HELZ2: variants seen among roughly 807,000 people sequenced by gnomAD.
HELZ2 encodes helicase with zinc finger 2.
In HELZ2, 143 loss-of-function variants were observed where a neutral mutation model predicts 208.8. The observed-to-expected ratio is 0.68, with a 90% CI of 0.60 to 0.79. HELZ2 has a LOEUF of 0.79. Among genes scored for constraint, HELZ2 ranks in the 30% least tolerant of loss-of-function variants. The probability of loss-of-function intolerance (pLI) is 0.00; values close to 1 mark genes in which losing one functional copy is unlikely to be tolerated. For synonymous variants in HELZ2, 1,705 were observed against 1,693.7 expected (o/e 1.01, Z -0.16); for missense variants, 3,690 against 3,794.5 (o/e 0.97, Z 0.72).
Position 63,560,854 on chromosome 20 carries a change from G to A in HELZ2, c.7222C>T (p.Arg2408Trp), listed in dbSNP as rs747775785. ...TCGTGGTACCGCTCGAACAGAGACC[G>A]GTCCAGACCCAGGTTTTGCAGCCGC... is the stretch of plus-strand genomic sequence containing the variant. Residue 2408 changes from arginine (R) to tryptophan (W), a missense_variant, in exon 15 of 19, where the codon CGG becomes TGG. Around this residue, in one of 3 missense-constraint regions of HELZ2, gnomAD observed 2,564 missense variants for 2,580.5 expected, o/e 0.99. Coordinates refer to ENST00000467148, the Ensembl canonical transcript of HELZ2. The A allele has an allele frequency of 3.2e-5, 52 of 1,613,148 alleles. No homozygotes were observed. The highest frequency in any genetic ancestry group is 3.1e-5 in the Non-Finnish European group (36 of 1,179,984).
exon 8 of HELZ2, chr20:63,562,639 C>T (rs1469064807): frequency 1.9e-6 from 3 of 1,593,920 alleles, no homozygotes; most frequent in Non-Finnish European, 2.6e-6. Flanking sequence ...GTCTGGGAGC[C>T]TCCTGCCGGT....
intron 17 of HELZ2, 36 bp from the exon 19 acceptor site, chr20:63,560,131 G>GGCCCCCCCA: frequency 6.5e-7 from 1 of 1,531,052 alleles, no homozygotes; most frequent in Non-Finnish European, 8.8e-7. Flanking sequence ...CTGCCGCTGC[G>GGCCCCCCCA]CCCACCCTCC....
At position 63,562,058 on chromosome 20, in the gene HELZ2, G is replaced by T; in HGVS notation, c.6529+14C>A. 2 of 1,587,294 alleles carry T rather than the reference G, an allele frequency of 1.3e-6. No individual in the cohort carries two copies. Among genetic ancestry groups the T allele is most frequent in the Non-Finnish European group, 1.7e-6 (2 of 1,167,636 alleles). On this transcript the variant is annotated intron_variant, in intron 10 of 18. Coordinates refer to ENST00000467148, the Ensembl canonical transcript of HELZ2. ...GCCCAAGGCAGCCTGCGGCTCCCCC[G>T]GCATGGGCCCTACCTGGTGGGCCCT... is the stretch of plus-strand genomic sequence containing the variant.
chr20:63,565,279 C>T, exon 8 of HELZ2: 1 of 1,605,744 alleles, frequency 6.2e-7, no homozygotes, highest in Non-Finnish European at 8.5e-7. Flanking sequence ...CCTCGGGCGC[C>T]TTGTCTCCCG....
exon 8 of HELZ2, chr20:63,565,308 C>A (rs182835948): frequency 6.2e-7 from 1 of 1,606,334 alleles, no homozygotes; most frequent in East Asian, 2.2e-5. Context: ...TGCACCAGCA[C>A]CTCATCCCCG....
Position 63,561,106 on chromosome 20 carries a change from CA to C in HELZ2, c.7121del (p.Leu2374ArgfsTer71), listed in dbSNP as rs1569028336. 16 of 1,612,548 alleles carry C rather than the reference CA, an allele frequency of 9.9e-6. No individual in the cohort carries two copies. The highest frequency in any genetic ancestry group is 1.4e-5 in the Non-Finnish European group (16 of 1,179,750). On this transcript the variant is annotated frameshift_variant, in exon 14 of 19. Coordinates refer to ENST00000467148, the Ensembl canonical transcript of HELZ2. LOFTEE classifies it high-confidence loss of function. ...CCTTCTCGGCCTGTGGGAACTGCAC[CA>C]GGGGGATGAGGGTTTCAGGTTCCGT...
At chr20:63,565,848 C>T in exon 8 of HELZ2, 1 of 1,598,526 alleles carries the variant, frequency 6.3e-7, no homozygotes, top group Non-Finnish European at 8.5e-7. Flanking sequence ...ATGGCCGTCA[C>T]CACAGCCGCC....
At position 63,563,568 on chromosome 20, in the gene HELZ2, G is replaced by A. The variant is rs771615958; in HGVS notation, c.5254C>T (p.Arg1752Cys). 46 of 1,524,486 alleles carry A rather than the reference G, an allele frequency of 3.0e-5. 1 individual carries two copies. The Middle Eastern group carries it at 2.9e-3, about 95-fold the overall frequency. The allele number at this position is 1,524,486 out of a possible 1,614,324, so 94.4% of individuals were successfully genotyped here. A position where few individuals can be genotyped will look rare whatever the true frequency, so the allele number is the denominator to read the frequency against. Reference sequence around the variant, plus strand: ...CTGGGGAAGAGCAGCCGGAAGCAGCGGGAGCCCGCCTCCACGTCCACCACG... The same window carrying A: ...CTGGGGAAGAGCAGCCGGAAGCAGCAGGAGCCCGCCTCCACGTCCACCACG... Residue 1752 changes from arginine (R) to cysteine (C), a missense_variant, in exon 8 of 19, where the codon CGC becomes TGC. Transcript: ENST00000467148.
rs1269409598 is a variant in HELZ2, at chr20:63,559,923, C to T, written c.7825+5G>A. On this transcript the variant is annotated splice_donor_5th_base_variant and intron_variant, in intron 18 of 18. Coordinates refer to ENST00000467148, the Ensembl canonical transcript of HELZ2. ...CACCCTGGAAGAGCCCAGCCCCGCCCTCACCGATCAGGCAGAGCCCCTCCT... is the reference window on the plus strand; with the variant it reads ...CACCCTGGAAGAGCCCAGCCCCGCCTTCACCGATCAGGCAGAGCCCCTCCT... The T allele has an allele frequency of 1.9e-6, 3 of 1,608,788 alleles. No homozygotes were observed. The highest frequency in any genetic ancestry group is 2.5e-6 in the Non-Finnish European group (3 of 1,179,908).
intron 5 of HELZ2, 164 bp downstream of exon 6, chr20:63,568,194 C>G: frequency 1.6e-6 from 1 of 635,876 alleles, no homozygotes. Context: ...CCCGGCCACC[C>G]TCGGTGCCCT....
rs139845169 is a variant in HELZ2, at chr20:63,570,756, G to A, written c.391C>T (p.Gln131Ter). The change falls in exon 2 of 19, where the codon CAG (glutamine) becomes TAG (stop). Residue 131 changes from glutamine (Q) to a stop codon, truncating the protein, a stop_gained. Transcript: ENST00000467148. LOFTEE classifies it high-confidence loss of function. Reference sequence around the variant, plus strand: ...TCCTGGTAGGGCACCAGCCCGTCCTGCCAGGCCGCCTGCCCCCGCAGCTCC... The same window carrying A: ...TCCTGGTAGGGCACCAGCCCGTCCTACCAGGCCGCCTGCCCCCGCAGCTCC... The A allele has an allele frequency of 6.8e-6, 11 of 1,608,622 alleles. No homozygotes were observed. The Admixed American group carries it at 1.2e-4, about 17-fold the overall frequency.
At chr20:63,566,916 G>A in exon 6 of HELZ2, 1 of 1,609,788 alleles carries the variant, frequency 6.2e-7, no homozygotes. Context: ...AGGTGTTGTA[G>A]GCCTCCTGCA....
chr20:63,569,052 C>A (rs778900250), intron 4 of HELZ2, 53 bp from the exon 6 acceptor site: 1 of 1,595,968 alleles, frequency 6.3e-7, no homozygotes, highest in South Asian at 1.1e-5. Flanking sequence ...AGCCCCGCTG[C>A]CAAGTCCACG....
chr20:63,565,186 G>A (rs1306194027), exon 8 of HELZ2: 1 of 1,605,602 alleles, frequency 6.2e-7, no homozygotes, highest in East Asian at 2.2e-5. Flanking sequence ...TGATGCGCGG[G>A]TCCCACGTGT....
rs2082992884 is a variant in HELZ2 at position 63,569,063 on chromosome 20, CCCCCATCCGCTCCCGTTG to C, written c.1088+67_1089-65del. 1.9e-6 allele frequency: 3 copies of C among 1,590,376 alleles called. No homozygotes were observed. In the Admixed American group the frequency reaches 5.3e-5, roughly 28 times the overall value. ...TGCCAGCCCCGCTGCCAAGTCCACGCCCCCATCCGCTCCCGTTGCCCCAGCCGCTCCCATTGCCCCAGC... is the reference window on the plus strand; with the variant it reads ...TGCCAGCCCCGCTGCCAAGTCCACGCCCCCAGCCGCTCCCATTGCCCCAGC... On this transcript the variant is annotated intron_variant, in intron 4 of 18. Transcript: ENST00000467148.
In HELZ2 at chr20:63,560,943, C is replaced by G. The variant is rs756289323; in HGVS notation, c.7147-14G>C. On this transcript the variant is annotated splice_polypyrimidine_tract_variant and intron_variant, in intron 14 of 18. Transcript: ENST00000467148. ...GAGAAGAACCACCTGGAGGAATAGGCAGGCCTGGCCCTGACACCCCTAGAC... is the reference window on the plus strand; with the variant it reads ...GAGAAGAACCACCTGGAGGAATAGGGAGGCCTGGCCCTGACACCCCTAGAC... The G allele has an allele frequency of 2.5e-6, 4 of 1,611,440 alleles. No individual in the cohort carries two copies. The highest frequency in any genetic ancestry group is 3.4e-6 in the Non-Finnish European group (4 of 1,179,082).
At position 63,566,329 on chromosome 20, in the gene HELZ2, C is replaced by A. The variant is rs76040767; in HGVS notation, c.2590+49G>T. Reference sequence around the variant, plus strand: ...AGGCTGAGGAGTGGGCCGAGCCACCCGGGGTATCCTGGGGCAGCTGGCAGC... The same window carrying A: ...AGGCTGAGGAGTGGGCCGAGCCACCAGGGGTATCCTGGGGCAGCTGGCAGC... On this transcript the variant is annotated intron_variant, in intron 7 of 18. Coordinates refer to ENST00000467148, the Ensembl canonical transcript of HELZ2. The A allele has an allele frequency of 5.9e-6, 9 of 1,532,148 alleles. No individual in the cohort carries two copies. In the South Asian group the frequency reaches 7.3e-5, roughly 12 times the overall value. The allele number at this position is 1,532,148 out of a possible 1,614,324, so 94.9% of individuals were successfully genotyped here. A position where few individuals can be genotyped will look rare whatever the true frequency, so the allele number is the denominator to read the frequency against.
At position 63,566,236 on chromosome 20, in the gene HELZ2, A is replaced by AG. The variant is rs1179301388; in HGVS notation, c.2591-6dup. On this transcript the variant is annotated splice_region_variant and splice_polypyrimidine_tract_variant and intron_variant, in intron 7 of 18. Coordinates refer to ENST00000467148, the Ensembl canonical transcript of HELZ2. Reference sequence around the variant, plus strand: ...CCACGACCCGGAACTGCCGCCCTGCAGGGGGCACGCAGTCAGGTCAGGCTG... The same window carrying AG: ...CCACGACCCGGAACTGCCGCCCTGCAGGGGGGCACGCAGTCAGGTCAGGCTG... 5.4e-6 allele frequency: 8 copies of AG among 1,485,746 alleles called. No individual in the cohort carries two copies. In the Admixed American group the frequency reaches 1.1e-4, roughly 21 times the overall value. The allele number at this position is 1,485,746 out of a possible 1,614,324, so 92.0% of individuals were successfully genotyped here. A position where few individuals can be genotyped will look rare whatever the true frequency, so the allele number is the denominator to read the frequency against.
chr20:63,566,681 A>AGGACGCAGTGAGGACT (rs1555889937), intron 6 of HELZ2, among the ~76,000 whole-genome samples, 163 bp downstream of exon 7: 1 of 109,282 alleles, frequency 9.2e-6, no homozygotes, highest in African/African-American at 3.5e-5. Flanking sequence ...ACCAAGCTCC[A>AGGACGCAGTGAGGACT]GACACCTCAG....
Sources: gnomAD v4.1 joint callset for allele counts (sites outside exome capture counted in the v4.1 genomes callset) on GRCh38, gnomAD v4.1.1 for gene constraint, gnomAD v4.1.1 regional missense constraint, MANE v1.5 for transcripts, NCBI Gene and HGNC (gene_info 2026-07-23, HGNC 2026-07-21) for gene names.